Variants in UGT1A7 observed in about 807,000 individuals in gnomAD.
UGT1A7 encodes UDP glucuronosyltransferase family 1 member A7.
A neutral mutation model predicts 45.6 loss-of-function variants in UGT1A7; 33 were observed. The ratio of observed to expected loss-of-function variants is 0.72; its 90% confidence interval spans 0.55 to 0.97. UGT1A7 has a LOEUF of 0.97. Ranked by LOEUF, UGT1A7 falls within the 50% of genes least tolerant of loss-of-function variation. The pLI is 0.00. For synonymous variants in UGT1A7, 274 were observed against 250.6 expected, an observed-to-expected ratio of 1.09 and a Z score of -0.88; for missense variants, 684 against 666.2, an observed-to-expected ratio of 1.03 and a Z score of -0.29.
intron 1 of UGT1A7, among the ~76,000 whole-genome samples, chr2:233,695,935 A>C (rs1408242527): frequency 6.6e-6 from 1 of 152,176 alleles, no homozygotes; most frequent in Non-Finnish European, 1.5e-5. Context: ...CAAGCAGGCA[A>C]TTCTGCCAGA....
intron 1 of UGT1A7, among the ~76,000 whole-genome samples, chr2:233,763,113 C>T (rs529760384): frequency 4.9e-4 from 74 of 152,338 alleles, no homozygotes; most frequent in African/African-American, 1.7e-3. Flanking sequence ...ACTTTATCAG[C>T]TGCCTTTCTG....
intron 1 of UGT1A7, among the ~76,000 whole-genome samples, chr2:233,730,887 G>T (rs979903664): frequency 2.6e-5 from 4 of 152,076 alleles, no homozygotes; most frequent in African/African-American, 7.2e-5. Context: ...TCTATAGTGG[G>T]ATCTACTCCT....
At chr2:233,745,519 A>G (rs567771888) in intron 1 of UGT1A7, among the ~76,000 whole-genome samples, 1 of 151,822 alleles carries the variant, frequency 6.6e-6, no homozygotes, top group African/African-American at 2.4e-5. Context: ...ATTAGGTCTA[A>G]TGGGGATGTG....
chr2:233,693,045 G>A (rs2075129048), intron 1 of UGT1A7: 2 of 1,614,114 alleles, frequency 1.2e-6, no homozygotes, highest in South Asian at 1.1e-5. Flanking sequence ...ATTTCTGCAG[G>A]GGTTTTCTTC....
At chr2:233,750,935 G>GCC (rs1240414460) in intron 1 of UGT1A7, among the ~76,000 whole-genome samples, 5 of 151,828 alleles carry the variant, frequency 3.3e-5, no homozygotes, top group Non-Finnish European at 7.3e-5. Flanking sequence ...TGAGGTTGGA[G>GCC]CCCCCACACA....
intron 1 of UGT1A7, chr2:233,693,716 AAG>A (rs772582251): frequency 6.2e-7 from 1 of 1,614,204 alleles, no homozygotes; most frequent in Non-Finnish European, 8.5e-7. Flanking sequence ...AGCTGTCCTC[AAG>A]AGAGATGTGG....
intron 1 of UGT1A7, chr2:233,730,094 A>C: frequency 6.3e-7 from 1 of 1,593,062 alleles, no homozygotes; most frequent in Non-Finnish European, 8.5e-7. Flanking sequence ...ATCTTTCCAA[A>C]TATTTCATTT....
rs551553193 is a variant in UGT1A7, at chr2:233,693,077, G to A, written c.855+10285G>A. On this transcript the variant is annotated intron_variant, in intron 1 of 4. Transcript: ENST00000373426. ...CTTCTTAGCACTTTGGGGCATGGTT[G>A]TAGGTGACAAGCTGCTGGTGGTCCC... The A allele has an allele frequency of 1.2e-5, 20 of 1,614,204 alleles. No homozygotes were observed. In the East Asian group the frequency reaches 4.2e-4, roughly 34 times the overall value.
intron 1 of UGT1A7, among the ~76,000 whole-genome samples, chr2:233,726,454 A>C (rs1306425444): frequency 2.6e-5 from 4 of 152,216 alleles, no homozygotes; most frequent in African/African-American, 9.6e-5. Context: ...CACTGAATGT[A>C]AGCTCATTTC....
rs144275831 is a variant in UGT1A7, at chr2:233,718,988, C to A, written c.855+36196C>A. 175 of 1,614,210 alleles carry A rather than the reference C, an allele frequency of 1.1e-4. 1 individual carries two copies. In the Middle Eastern group the frequency reaches 1.3e-3, roughly 12 times the overall value. ...TGCGGGAGCTCCATGCCAGAGGCCA[C>A]CAGGCGGTGGTCCTCACCCCAGAGG... On this transcript the variant is annotated intron_variant, in intron 1 of 4. Coordinates refer to ENST00000373426, the MANE Select transcript of UGT1A7 (RefSeq NM_019077.3).
At chr2:233,720,869 C>A (rs944438074) in intron 1 of UGT1A7, among the ~76,000 whole-genome samples, 12 of 119,508 alleles carry the variant, frequency 1.0e-4, no homozygotes, top group African/African-American at 3.8e-4. Flanking sequence ...CTGCTCCTGG[C>A]AATTTTTTTT....
chr2:233,763,099 C>A (rs1698236353), intron 1 of UGT1A7, among the ~76,000 whole-genome samples: 3 of 152,172 alleles, frequency 2.0e-5, no homozygotes. Flanking sequence ...AGGAGAGGCA[C>A]CGAACTTTAT....
chr2:233,691,351 T>C (rs2075039677), intron 1 of UGT1A7: 2 of 985,564 alleles, frequency 2.0e-6, no homozygotes, highest in African/African-American at 1.7e-5. Context: ...TCGCATGCCT[T>C]GAACAATGAA....
chr2:233,767,797 T>G lies in UGT1A7; in HGVS notation c.988-52T>G, dbSNP rs1012424785. The stretch of plus-strand genomic sequence containing the variant: ...TCTAGTTAGTATAGCAGATTTGTTT[T>G]CTAATCATATTATGTTCTTTCTTTA... On this transcript the variant is annotated intron_variant, in intron 2 of 4. Coordinates refer to ENST00000373426, the MANE Select transcript of UGT1A7 (RefSeq NM_019077.3). 5 of 1,614,032 alleles carry G rather than the reference T, an allele frequency of 3.1e-6. No individual in the cohort carries two copies. In the African/African-American group the frequency reaches 4.0e-5, roughly 13 times the overall value.
chr2:233,710,730 G>T (rs192565787), intron 1 of UGT1A7, among the ~76,000 whole-genome samples: 1 of 152,102 alleles, frequency 6.6e-6, no homozygotes, highest in Non-Finnish European at 1.5e-5. Flanking sequence ...AAAAAACAAC[G>T]TCTTTCAAGG....
intron 1 of UGT1A7, among the ~76,000 whole-genome samples, chr2:233,738,477 G>C (rs971989724): frequency 6.6e-6 from 1 of 152,224 alleles, no homozygotes; most frequent in African/African-American, 2.4e-5. Context: ...GAACTTCCTG[G>C]AGACTTGTTG....
intron 1 of UGT1A7, among the ~76,000 whole-genome samples, chr2:233,714,731 C>T (rs1234277982): frequency 6.6e-6 from 1 of 152,142 alleles, no homozygotes; most frequent in Non-Finnish European, 1.5e-5. Context: ...GTTAAGTCTT[C>T]AAAATCTAGC....
At chr2:233,738,845 C>T (rs1366677682) in intron 1 of UGT1A7, 1 of 152,224 alleles carries the variant, frequency 6.6e-6, no homozygotes, top group Admixed American at 6.5e-5. Flanking sequence ...AAATGTTAAT[C>T]ACCAAGACAA....
At chr2:233,706,480 A>C (rs1460971839) in intron 1 of UGT1A7, among the ~76,000 whole-genome samples, 2 of 152,254 alleles carry the variant, frequency 1.3e-5, no homozygotes, top group Non-Finnish European at 2.9e-5. Flanking sequence ...GGCTGGGTAC[A>C]TGAGGGTGTC....
Sources: allele counts gnomAD v4.1 joint callset (sites outside exome capture counted in the v4.1 genomes callset), GRCh38; gene constraint gnomAD v4.1.1; transcripts MANE v1.5; gene names NCBI Gene and HGNC (gene_info 2026-07-23, HGNC 2026-07-21).